COG3: variants seen among roughly 807,000 people sequenced by gnomAD.
COG3 encodes conserved oligomeric Golgi complex subunit 3.
In COG3, 32 loss-of-function variants were observed where a neutral mutation model predicts 114.1. The ratio of observed to expected loss-of-function variants is 0.28; its 90% confidence interval spans 0.21 to 0.38. COG3 has a LOEUF of 0.38. COG3 is among the 10% of genes least tolerant of loss of function. The pLI, the probability that COG3 is intolerant of heterozygous loss-of-function variation, is 1.00. For missense variants in COG3, 813 were observed against 973.2 expected, an observed-to-expected ratio of 0.84 and a Z score of 2.19; for synonymous variants, 352 against 365.7, an observed-to-expected ratio of 0.96 and a Z score of 0.43.
In COG3 at chr13:45,480,275, G is replaced by C; in HGVS notation, c.534G>C (p.Gln178His). The change falls in exon 4 of 23, where the codon CAG (glutamine) becomes CAC (histidine). Residue 178 changes from glutamine (Q) to histidine (H), a missense_variant. Physicochemically the swap from Gln to His is conservative, Grantham distance 24 (BLOSUM62 0). Transcript: ENST00000349995. Reference sequence around the variant, plus strand: ...GAACCCTACATGAAGCCTGTGAACAGCTCCTAAAAGAACAGGTAATTTGGA... The same window carrying C: ...GAACCCTACATGAAGCCTGTGAACACCTCCTAAAAGAACAGGTAATTTGGA... ...KTGTLHEACE[Q>H]LLKEQSELVD... The C allele has an allele frequency of 6.2e-7, 1 of 1,609,630 alleles. No homozygotes were observed. Among genetic ancestry groups the C allele is most frequent in the Non-Finnish European group, 8.5e-7 (1 of 1,177,620 alleles).
intron 14 of COG3, among the ~76,000 whole-genome samples, chr13:45,505,318 G>C (rs200090166): frequency 4.4e-5 from 3 of 67,510 alleles, no homozygotes; most frequent in African/African-American, 9.4e-5. Context: ...TTTTTTTTTT[G>C]AGAGACAGAG....
At chr13:45,503,474 G>T in intron 14 of COG3, 125 bp downstream of exon 14, 2 of 591,474 alleles carry the variant, frequency 3.4e-6, no homozygotes, top group Non-Finnish European at 6.1e-6. Context: ...CTTTATGGGG[G>T]GAGATTGCCA....
intron 1 of COG3, 39 bp from the exon 2 acceptor site, chr13:45,476,162 C>T: frequency 2.5e-6 from 4 of 1,594,640 alleles, no homozygotes; most frequent in Non-Finnish European, 3.4e-6. Context: ...AGAGAATTTT[C>T]AAGTCACTTA....
At position 45,491,439 on chromosome 13, in the gene COG3, C is replaced by A. The variant is rs974396451; in HGVS notation, c.996C>A (p.His332Gln). ...PEYQQLLNDI[H>Q]QCYLDQRELL... Reference sequence around the variant, plus strand: ...ACCAACAACTGCTAAATGATATCCACCAGTGTTACCTTGATCAGCGGGAGC... The same window carrying A: ...ACCAACAACTGCTAAATGATATCCAACAGTGTTACCTTGATCAGCGGGAGC... The change falls in exon 10 of 23, where the codon CAC becomes CAA. Residue 332 changes from histidine (H) to glutamine (Q), a missense_variant. His to Gln is a conservative substitution (Grantham distance 24, BLOSUM62 0). Transcript: ENST00000349995. 6.2e-7 allele frequency: 1 copy of A among 1,612,390 alleles called. No homozygotes were observed. Among genetic ancestry groups the A allele is most frequent in the Non-Finnish European group, 8.5e-7 (1 of 1,179,394 alleles).
intron 1 of COG3, among the ~76,000 whole-genome samples, chr13:45,466,162 C>T (rs1238554447): frequency 6.6e-6 from 1 of 152,090 alleles, no homozygotes; most frequent in Non-Finnish European, 1.5e-5. Flanking sequence ...CTCAGCCTCC[C>T]GAGTAGCTGG....
chr13:45,521,783 G>A (rs897982579), intron 19 of COG3, among the ~76,000 whole-genome samples: 10 of 149,730 alleles, frequency 6.7e-5, no homozygotes, highest in Middle Eastern at 3.5e-3. Context: ...AGAATCTCAT[G>A]CCTCTTTTAT....
intron 8 of COG3, among the ~76,000 whole-genome samples, chr13:45,487,721 A>G (rs1398947141): frequency 6.6e-5 from 10 of 152,254 alleles, no homozygotes; most frequent in Non-Finnish European, 2.9e-5. Context: ...GCTGTTATCA[A>G]GAAGACATAA....
At chr13:45,513,717 T>A (rs1040845910) in intron 16 of COG3, among the ~76,000 whole-genome samples, 1 of 151,628 alleles carries the variant, frequency 6.6e-6, no homozygotes, top group African/African-American at 2.4e-5. Flanking sequence ...GAAATAAAGT[T>A]ATAGACAGGC....
rs1304179814 is a variant in COG3 at position 45,535,068 on chromosome 13, G to C, written c.*337G>C. ...CAATAAAAATAGATTACAATAAGTA[G>C]TGCAAAGAACTTTACAGAAATCAAG... On this transcript the variant is annotated 3_prime_UTR_variant, in exon 23 of 23. Transcript: ENST00000349995. The C allele has an allele frequency of 9.3e-7, 1 of 1,076,222 alleles. No individual in the cohort carries two copies. The highest frequency in any genetic ancestry group is 1.7e-5 in the African/African-American group (1 of 60,556). 66.7% of individuals were successfully genotyped at this position (1,076,222 alleles called of 1,614,324 possible).
At chr13:45,510,744 A>C (rs992321245) in intron 15 of COG3, among the ~76,000 whole-genome samples, 7 of 152,192 alleles carry the variant, frequency 4.6e-5, no homozygotes, top group Admixed American at 2.6e-4. Flanking sequence ...TCAAATCTTA[A>C]CACTTTTAGT....
At chr13:45,492,082 A>C (rs1887054426) in intron 10 of COG3, 77 bp from the exon 11 acceptor site, 5 of 855,734 alleles carry the variant, frequency 5.8e-6, no homozygotes, top group Non-Finnish European at 7.4e-6. Context: ...CTGCACATAA[A>C]GTGTAGGCTT....
At chr13:45,477,660 C>T (rs1157368140) in intron 2 of COG3, among the ~76,000 whole-genome samples, 1 of 149,766 alleles carries the variant, frequency 6.7e-6, no homozygotes, top group African/African-American at 2.5e-5. Context: ...TGGAGTCTCA[C>T]TCTGTTGCCC....
intron 14 of COG3, among the ~76,000 whole-genome samples, chr13:45,505,905 C>CT (rs1369779763): frequency 2.0e-5 from 3 of 151,904 alleles, no homozygotes; most frequent in Admixed American, 6.6e-5. Flanking sequence ...TCTTTTTACT[C>CT]TTTTTTTGGA....
intron 22 of COG3, among the ~76,000 whole-genome samples, chr13:45,531,746 T>C (rs911622954): frequency 1.4e-4 from 22 of 152,194 alleles, no homozygotes; most frequent in African/African-American, 5.3e-4. Context: ...CCTCAAGTGA[T>C]CTGCCGGCCT....
chr13:45,517,813 A>AT (rs539784954), intron 17 of COG3, among the ~76,000 whole-genome samples: 1 of 152,148 alleles, frequency 6.6e-6, no homozygotes, highest in Non-Finnish European at 1.5e-5. Flanking sequence ...TAAAGTTGTA[A>AT]TTTGTTGCTG....
At position 45,514,505 on chromosome 13, in the gene COG3, C is replaced by A. The variant is rs548699411; in HGVS notation, c.1810-1638C>A. 2.0e-5 allele frequency among the ~76,000 whole-genome samples: 3 copies of A among 152,128 alleles called. No individual in the cohort carries two copies. The South Asian group carries it at 6.2e-4, about 32-fold the overall frequency. On this transcript the variant is annotated intron_variant, in intron 16 of 22. Transcript: ENST00000349995. Reference sequence around the variant, plus strand: ...AGGCATGAAAAGCGTTTTGATAGTTCGGTCTTTTGCCCTCCTTATCTGTAG... The same window carrying A: ...AGGCATGAAAAGCGTTTTGATAGTTAGGTCTTTTGCCCTCCTTATCTGTAG...
chr13:45,524,410 G>T (rs115151893), intron 19 of COG3, among the ~76,000 whole-genome samples: 240 of 152,280 alleles, frequency 1.6e-3, no homozygotes, highest in African/African-American at 5.6e-3. Context: ...GAAAAGAGAT[G>T]ACTAGAAGAT....
intron 7 of COG3, among the ~76,000 whole-genome samples, chr13:45,485,040 TTTCCCCACC>T (rs1183276332): frequency 7.4e-6 from 1 of 135,410 alleles, no homozygotes; most frequent in Non-Finnish European, 1.6e-5. Context: ...CTCTCAATCT[TTTCCCCACC>T]TTTCCCGCCT....
At chr13:45,512,208 C>T (rs959216308) in intron 16 of COG3, among the ~76,000 whole-genome samples, 2 of 152,230 alleles carry the variant, frequency 1.3e-5, no homozygotes, top group Non-Finnish European at 1.5e-5. Flanking sequence ...TCTCTCTCTA[C>T]GATAATGTTT....
Sources: gnomAD v4.1 joint callset for allele counts (sites outside exome capture counted in the v4.1 genomes callset) on GRCh38, gnomAD v4.1.1 for gene constraint, MANE v1.5 for transcripts, NCBI Gene and HGNC (gene_info 2026-07-23, HGNC 2026-07-21) for gene names.